RUFY1: variants seen among roughly 807,000 people sequenced by gnomAD.
The protein encoded by RUFY1 is RUN and FYVE domain-containing protein 1.
A neutral mutation model predicts 94.6 loss-of-function variants in RUFY1; 54 were observed. That is an observed-to-expected ratio of 0.57 (90% confidence interval 0.46 to 0.72). The LOEUF (loss-of-function observed/expected upper bound fraction) is 0.72, where lower values mean the gene tolerates loss of function less well. Ranked by LOEUF, RUFY1 falls within the 30% of genes least tolerant of loss-of-function variation. RUFY1 has a pLI of 0.00. For synonymous variants in RUFY1, 396 were observed against 347.3 expected (o/e 1.14, Z -1.56); for missense variants, 883 against 883.9 (o/e 1.00, Z 0.01).
At chr5:179,561,905 C>G (rs1762489398) in intron 2 of RUFY1, among the ~76,000 whole-genome samples, 1 of 149,696 alleles carries the variant, frequency 6.7e-6, no homozygotes, top group Middle Eastern at 3.4e-3. Context: ...AGGATGGTCT[C>G]GATCTCCTGA....
At chr5:179,564,984 TAAA>T (rs1269656553) in intron 3 of RUFY1, among the ~76,000 whole-genome samples, 14 of 145,402 alleles carry the variant, frequency 9.6e-5, no homozygotes, top group Non-Finnish European at 2.0e-4. Flanking sequence ...TAAAATATGT[TAAA>T]TTTTTTTGTA....
Position 179,585,788 on chromosome 5 carries a change from T to G in RUFY1, c.957-8T>G. ...TTTATGTTTACTTAATATTCTTATT[T>G]TCTACAGCTGCACAGTTGGGGATCT... On this transcript the variant is annotated splice_region_variant and splice_polypyrimidine_tract_variant and intron_variant, in intron 7 of 17. Transcript: ENST00000319449. The G allele has an allele frequency of 6.2e-7, 1 of 1,604,344 alleles. No homozygotes were observed. Among genetic ancestry groups the G allele is most frequent in the Non-Finnish European group, 8.5e-7 (1 of 1,171,232 alleles).
intron 6 of RUFY1, among the ~76,000 whole-genome samples, chr5:179,578,933 C>T (rs79539399): frequency 0.15 from 22,648 of 152,034 alleles, 1,768 homozygotes; most frequent in South Asian, 0.22. Flanking sequence ...CGTGAGCCAC[C>T]GCTCCCGGCC....
intron 15 of RUFY1, among the ~76,000 whole-genome samples, chr5:179,604,594 C>A (rs4701138): frequency 1 from 151,774 of 152,298 alleles, 75,627 homozygotes; most frequent in Middle Eastern, 1. Flanking sequence ...TCCCTCCCTT[C>A]GAAGTCTAGC....
At position 179,554,463 on chromosome 5, in the gene RUFY1, G is replaced by T. The variant is rs139459249; in HGVS notation, c.310+3584G>T. Among the ~76,000 whole-genome samples, 28 of 152,042 alleles carry T rather than the reference G, an allele frequency of 1.8e-4. No homozygotes were observed. The East Asian group carries it at 5.4e-3, about 29-fold the overall frequency. On this transcript the variant is annotated intron_variant, in intron 1 of 17. Coordinates refer to ENST00000319449, the MANE Select transcript of RUFY1 (RefSeq NM_025158.5). ...AGGCAGGAGAATCTCTTGAACCTGGGGGGTGGAGGTTGCTGTGAGCCAAGA... is the reference window on the plus strand; with the variant it reads ...AGGCAGGAGAATCTCTTGAACCTGGTGGGTGGAGGTTGCTGTGAGCCAAGA...
intron 14 of RUFY1, among the ~76,000 whole-genome samples, chr5:179,601,006 A>G (rs1360039736): frequency 2.0e-5 from 3 of 151,416 alleles, no homozygotes; most frequent in Non-Finnish European, 4.4e-5. Context: ...GAGGGTAACT[A>G]TTTTTAATGT....
intron 9 of RUFY1, among the ~76,000 whole-genome samples, chr5:179,591,224 G>A (rs545283621): frequency 2.1e-4 from 31 of 150,236 alleles, no homozygotes; most frequent in African/African-American, 4.7e-4. Flanking sequence ...TTGCCCTGTC[G>A]CCCAGGCTGG....
Position 179,550,828 on chromosome 5 carries a change from G to A in RUFY1, c.259G>A (p.Ala87Thr). Residue 87 changes from alanine (A) to threonine (T), a missense_variant, in exon 1 of 18, where the codon GCG becomes ACG. Physicochemically the swap from Ala to Thr is moderately conservative, Grantham distance 58. Coordinates refer to ENST00000319449, the MANE Select transcript of RUFY1 (RefSeq NM_025158.5). ...LSASCGSALRAAAGLGGGDSG... is the reference protein window; with the variant it reads ...LSASCGSALRTAAGLGGGDSG... ...GGCGAGCTGCGGGAGCGCGCTGCGC[G>A]CGGCCGCGGGGCTGGGCGGCGGGGA... The A allele has an allele frequency of 1.3e-5, 16 of 1,251,218 alleles. No individual in the cohort carries two copies. The highest frequency in any genetic ancestry group is 1.6e-5 in the Non-Finnish European group (16 of 1,002,142). 77.5% of individuals were successfully genotyped at this position (1,251,218 alleles called of 1,614,324 possible). A position where few individuals can be genotyped will look rare whatever the true frequency, so the allele number is the denominator to read the frequency against.
At chr5:179,568,498 C>G (rs541616194) in intron 4 of RUFY1, among the ~76,000 whole-genome samples, 1 of 152,118 alleles carries the variant, frequency 6.6e-6, no homozygotes, top group African/African-American at 2.4e-5. Context: ...TATCTTTACA[C>G]GACAAATACT....
chr5:179,599,816 C>T (rs1425159131), intron 14 of RUFY1, among the ~76,000 whole-genome samples: 2 of 152,244 alleles, frequency 1.3e-5, no homozygotes, highest in South Asian at 2.1e-4. Flanking sequence ...GACCTCCCCT[C>T]GGCACCTGCC....
chr5:179,589,112 T>C (rs972291202), intron 8 of RUFY1, among the ~76,000 whole-genome samples: 1 of 152,210 alleles, frequency 6.6e-6, no homozygotes, highest in Non-Finnish European at 1.5e-5. Context: ...CCTTTTTTCC[T>C]TATTAGTATT....
At position 179,591,632 on chromosome 5, in the gene RUFY1, A is replaced by G. The variant is rs1765112053; in HGVS notation, c.1136A>G (p.Lys379Arg). The G allele has an allele frequency of 6.2e-7, 1 of 1,609,128 alleles. No homozygotes were observed. Among genetic ancestry groups the G allele is most frequent in the Admixed American group, 1.7e-5 (1 of 59,406 alleles). The stretch of plus-strand genomic sequence containing the variant: ...TGTCCTTGTTTGATACAGATAACAA[A>G]ACAGGATACCAAAGTTGAGCTGGAG... ...ERSEKSVEIT[K>R]QDTKVELETY... The change falls in exon 10 of 18, where the codon AAA (lysine) becomes AGA (arginine). Residue 379 changes from lysine to arginine, a missense_variant. Coordinates refer to ENST00000319449, the MANE Select transcript of RUFY1 (RefSeq NM_025158.5).
At chr5:179,595,661 C>T (rs1282122370) in intron 12 of RUFY1, among the ~76,000 whole-genome samples, 2 of 151,846 alleles carry the variant, frequency 1.3e-5, no homozygotes, top group Non-Finnish European at 2.9e-5. Context: ...AAGCAATTCT[C>T]CTGCCTCAGC....
At chr5:179,608,918 CTCA>C (rs1418323769) in intron 17 of RUFY1, among the ~76,000 whole-genome samples, 2 of 37,396 alleles carry the variant, frequency 5.3e-5, no homozygotes, top group Admixed American at 4.0e-4. Flanking sequence ...GCGACAGAGA[CTCA>C]AAAAAAAAAA....
chr5:179,589,533 T>C lies in RUFY1; in HGVS notation c.1027-13T>C, dbSNP rs1764867597. The C allele has an allele frequency of 6.3e-7, 1 of 1,584,588 alleles. No individual in the cohort carries two copies. Among genetic ancestry groups the C allele is most frequent in the Non-Finnish European group, 8.7e-7 (1 of 1,153,586 alleles). On this transcript the variant is annotated splice_polypyrimidine_tract_variant and intron_variant, in intron 8 of 17. Transcript: ENST00000319449. The stretch of plus-strand genomic sequence containing the variant: ...TTTTGATGTTAAGAACTGTAAAAAT[T>C]TTCCTTAATCAGCTTTCAGCTGCAA...
chr5:179,605,838 C>T (rs1480700791), intron 15 of RUFY1, 38 bp from the exon 16 acceptor site: 3 of 1,417,606 alleles, frequency 2.1e-6, no homozygotes, highest in Admixed American at 1.7e-5. Context: ...GCCTCACTCT[C>T]TCTCACTGCT....
At chr5:179,583,965 G>A (rs1011149577) in intron 7 of RUFY1, among the ~76,000 whole-genome samples, 3 of 151,292 alleles carry the variant, frequency 2.0e-5, no homozygotes, top group Non-Finnish European at 4.4e-5. Flanking sequence ...AGCCAGGATG[G>A]TCTCGATCTC....
At chr5:179,573,286 A>G (rs1763355527) in intron 5 of RUFY1, among the ~76,000 whole-genome samples, 1 of 152,046 alleles carries the variant, frequency 6.6e-6, no homozygotes, top group African/African-American at 2.4e-5. Flanking sequence ...CAGAATAAAA[A>G]CTCCATTGAG....
intron 15 of RUFY1, among the ~76,000 whole-genome samples, chr5:179,603,274 A>G (rs1388972562): frequency 6.6e-6 from 1 of 151,770 alleles, no homozygotes; most frequent in Non-Finnish European, 1.5e-5. Flanking sequence ...TCAAAAAAAA[A>G]AAACAAATAG....
Sources: allele counts gnomAD v4.1 joint callset (sites outside exome capture counted in the v4.1 genomes callset), GRCh38; gene constraint gnomAD v4.1.1; transcripts MANE v1.5; gene names NCBI Gene and HGNC (gene_info 2026-07-23, HGNC 2026-07-21).